Variants in SH3RF3 observed in about 807,000 individuals in gnomAD.
SH3RF3 encodes SH3 domain containing ring finger 3, also known as E3 ubiquitin-protein ligase SH3RF3.
A neutral mutation model predicts 66.3 loss-of-function variants in SH3RF3; 29 were observed. That is an observed-to-expected ratio of 0.44 (90% CI 0.33 to 0.60). The LOEUF (loss-of-function observed/expected upper bound fraction) is 0.60, where lower values mean the gene tolerates loss of function less well. SH3RF3 is among the 20% of genes least tolerant of loss of function. SH3RF3 has a pLI of 0.04. For missense variants in SH3RF3, 1,194 were observed against 1,190.9 expected (o/e 1.00, Z -0.04); for synonymous variants, 583 against 532.0 (o/e 1.10, Z -1.32).
chr2:109,209,255 C>G (rs1678910720), intron 1 of SH3RF3, among the ~76,000 whole-genome samples: 1 of 152,176 alleles, frequency 6.6e-6, no homozygotes, highest in Admixed American at 6.5e-5. Context: ...ACTGAGAGGT[C>G]ATCACATTCA....
chr2:109,357,351 T>C (rs952304128), intron 2 of SH3RF3, among the ~76,000 whole-genome samples: 1 of 152,096 alleles, frequency 6.6e-6, no homozygotes, highest in African/African-American at 2.4e-5. Context: ...CCGGATAATT[T>C]TGTGTATTTT....
At chr2:109,275,791 G>A (rs1241461287) in intron 1 of SH3RF3, among the ~76,000 whole-genome samples, 1 of 152,214 alleles carries the variant, frequency 6.6e-6, no homozygotes, top group Non-Finnish European at 1.5e-5. Flanking sequence ...ATGAAGCGAG[G>A]CACAGTGAGA....
At chr2:109,452,005 G>T (rs1161899352) in intron 8 of SH3RF3, among the ~76,000 whole-genome samples, 1 of 152,254 alleles carries the variant, frequency 6.6e-6, no homozygotes, top group Non-Finnish European at 1.5e-5. Flanking sequence ...CACACATTGT[G>T]TGTGCTTTTC....
In SH3RF3 at chr2:109,356,900, T is replaced by C. The variant is rs543291356; in HGVS notation, c.849+8951T>C. Among the ~76,000 whole-genome samples the C allele has an allele frequency of 3.6e-4, 55 of 152,182 alleles. 1 individual carries two copies. Among genetic ancestry groups the C allele is most frequent in the Admixed American group, 2.6e-3 (39 of 15,282 alleles). On this transcript the variant is annotated intron_variant, in intron 2 of 9. Transcript: ENST00000309415. ...CGCTCTCACTTCCCAGGCTGAGCCA[T>C]CCCACCTCCTTCCCTGGCTTGCCAT...
intron 1 of SH3RF3, among the ~76,000 whole-genome samples, chr2:109,209,645 A>G (rs1296545939): frequency 6.6e-6 from 1 of 152,126 alleles, no homozygotes; most frequent in East Asian, 1.9e-4. Context: ...AACGCTGTGA[A>G]TCAGTCGACT....
chr2:109,489,578 C>T (rs1007281402), intron 8 of SH3RF3, among the ~76,000 whole-genome samples: 3 of 152,198 alleles, frequency 2.0e-5, no homozygotes, highest in East Asian at 1.9e-4. Context: ...GCCAGGGTCC[C>T]GTGACAGAGA....
chr2:109,344,182 A>G (rs1039616957), intron 1 of SH3RF3, among the ~76,000 whole-genome samples: 1 of 152,224 alleles, frequency 6.6e-6, no homozygotes, highest in African/African-American at 2.4e-5. Context: ...TGGGGTCATC[A>G]GAGTGAACAG....
intron 9 of SH3RF3, among the ~76,000 whole-genome samples, chr2:109,495,768 G>A (rs1040171083): frequency 6.6e-6 from 1 of 152,126 alleles, no homozygotes; most frequent in African/African-American, 2.4e-5. Flanking sequence ...CTGGGCGTGA[G>A]GCGTGAGCCA....
In SH3RF3 at chr2:109,436,935, C is replaced by A. The variant is rs748486534; in HGVS notation, c.1617C>A (p.Val539=). 1 of 1,613,646 alleles carries A rather than the reference C, an allele frequency of 6.2e-7. No individual in the cohort carries two copies. Among genetic ancestry groups the A allele is most frequent in the Non-Finnish European group, 8.5e-7 (1 of 1,179,890 alleles). Residue 539 remains valine (V), a synonymous_variant, in exon 7 of 10, where the codon GTC becomes GTA. Coordinates refer to ENST00000309415, the MANE Select transcript of SH3RF3 (RefSeq NM_001099289.3). ...CAGGGCCGCCCCGGAATAATGTAGT[C>A]GGAGGGTCTCCACTGGCCAAAGGGA... ...GGAGPPRNNV[V]GGSPLAKGIT... is the part of the protein sequence containing the mutation.
intron 6 of SH3RF3, among the ~76,000 whole-genome samples, chr2:109,434,054 C>T (rs1365640501): frequency 6.6e-6 from 1 of 152,228 alleles, no homozygotes; most frequent in Non-Finnish European, 1.5e-5. Flanking sequence ...TTGGCTCTCT[C>T]AGCCTGCAAC....
At chr2:109,251,168 A>G (rs1680082686) in intron 1 of SH3RF3, among the ~76,000 whole-genome samples, 1 of 151,638 alleles carries the variant, frequency 6.6e-6, no homozygotes, top group Non-Finnish European at 1.5e-5. Flanking sequence ...ATGCCTGGCT[A>G]ATTTTTTTAT....
intron 1 of SH3RF3, among the ~76,000 whole-genome samples, chr2:109,239,237 C>T (rs1679722504): frequency 1.3e-5 from 2 of 151,996 alleles, no homozygotes; most frequent in South Asian, 4.2e-4. Flanking sequence ...ATACGGATGG[C>T]AAACAGCTCA....
Position 109,250,382 on chromosome 2 carries a change from C to A in SH3RF3, c.574-97292C>A, listed in dbSNP as rs957018163. Among the ~76,000 whole-genome samples the A allele has an allele frequency of 2.6e-5, 4 of 152,004 alleles. No individual in the cohort carries two copies. In the South Asian group the frequency reaches 8.3e-4, roughly 32 times the overall value. ...GCTCTGAATTCACTTCTGAGCTTAGCAATGTAAGCTTGTATTATATACAAC... is the reference window on the plus strand; with the variant it reads ...GCTCTGAATTCACTTCTGAGCTTAGAAATGTAAGCTTGTATTATATACAAC... On this transcript the variant is annotated intron_variant, in intron 1 of 9. Transcript: ENST00000309415.
At chr2:109,405,559 C>T (rs913472766) in intron 4 of SH3RF3, among the ~76,000 whole-genome samples, 3 of 152,220 alleles carry the variant, frequency 2.0e-5, no homozygotes, top group Non-Finnish European at 4.4e-5. Context: ...AATCCCTTCC[C>T]ACCTGCCCAT....
At chr2:109,174,139 G>A (rs1011748687) in intron 1 of SH3RF3, among the ~76,000 whole-genome samples, 9 of 152,264 alleles carry the variant, frequency 5.9e-5, no homozygotes, top group Non-Finnish European at 2.9e-5. Flanking sequence ...ATAGGGCAGA[G>A]CCTCCCAACC....
intron 1 of SH3RF3, among the ~76,000 whole-genome samples, chr2:109,196,549 G>T (rs556272848): frequency 1.1e-3 from 161 of 152,334 alleles, no homozygotes; most frequent in Non-Finnish European, 1.1e-3. Context: ...AGGTCCGTGG[G>T]TTTGTCGTCC....
intron 4 of SH3RF3, among the ~76,000 whole-genome samples, chr2:109,417,044 T>C (rs1269019189): frequency 6.6e-6 from 1 of 152,192 alleles, no homozygotes; most frequent in African/African-American, 2.4e-5. Context: ...TGTCAGTGTG[T>C]CGAGCCTGTT....
At chr2:109,163,255 A>C (rs1043204143) in intron 1 of SH3RF3, among the ~76,000 whole-genome samples, 4 of 152,192 alleles carry the variant, frequency 2.6e-5, no homozygotes, top group African/African-American at 9.7e-5. Context: ...TGTTGACTGT[A>C]GGGCTCTGCC....
At chr2:109,137,561 A>G (rs1171541708) in intron 1 of SH3RF3, among the ~76,000 whole-genome samples, 3 of 152,244 alleles carry the variant, frequency 2.0e-5, no homozygotes, top group Non-Finnish European at 1.5e-5. Context: ...CCATCAAAGC[A>G]CACCACCTTA....
Sources: gnomAD v4.1 joint callset for allele counts (sites outside exome capture counted in the v4.1 genomes callset) on GRCh38, gnomAD v4.1.1 for gene constraint, MANE v1.5 for transcripts, NCBI Gene and HGNC (gene_info 2026-07-23, HGNC 2026-07-21) for gene names.